The following SAMD5 variants were observed in gnomAD, a reference collection of about 807,000 sequenced individuals.
The protein encoded by SAMD5 is sterile alpha motif domain containing 5, also known as sterile alpha motif domain-containing protein 5.
A neutral mutation model predicts 11.3 loss-of-function variants in SAMD5; 13 were observed. The observed-to-expected ratio is 1.15, with a 90% CI of 0.75 to 1.83. The LOEUF (loss-of-function observed/expected upper bound fraction) is 1.83. Ranked by LOEUF, SAMD5 falls within the 40% of genes most tolerant of loss-of-function variation. The pLI is 0.00. For synonymous variants in SAMD5, 129 were observed against 111.3 expected (o/e 1.16, Z -1.00); for missense variants, 255 against 239.1 (o/e 1.07, Z -0.44).
the SAMD5 span, among the ~76,000 whole-genome samples, chr6:147,922,689 C>T: frequency 6.6e-6 from 1 of 152,132 alleles, no homozygotes; most frequent in Non-Finnish European, 1.5e-5. Context: ...ATAACTCGTG[C>T]TGGGATCTAT....
chr6:147,572,530 C>A (rs1251992233), downstream of SAMD5, among the ~76,000 whole-genome samples: 1 of 152,114 alleles, frequency 6.6e-6, no homozygotes, highest in Non-Finnish European at 1.5e-5. Flanking sequence ...GGCTAGAGTG[C>A]AGTGGTATGA....
chr6:147,760,715 G>A, the SAMD5 span, among the ~76,000 whole-genome samples: 538 of 152,250 alleles, frequency 3.5e-3, 4 homozygotes, highest in African/African-American at 0.012. Context: ...GTAGGCAACC[G>A]TGTCAGTATC....
the SAMD5 span, among the ~76,000 whole-genome samples, chr6:147,826,895 T>C: frequency 1.3e-5 from 2 of 152,236 alleles, no homozygotes; most frequent in East Asian, 3.9e-4. Context: ...TCTCAAAACA[T>C]GCAGCAGTGG....
chr6:147,840,450 G>A, the SAMD5 span, among the ~76,000 whole-genome samples: 1 of 152,226 alleles, frequency 6.6e-6, no homozygotes, highest in Non-Finnish European at 1.5e-5. Flanking sequence ...ATTTATCTGT[G>A]AGAAACAGGT....
chr6:147,581,218 C>T (rs1283031694), intron 1 of SAMD5, among the ~76,000 whole-genome samples: 1 of 152,146 alleles, frequency 6.6e-6, no homozygotes, highest in Admixed American at 6.5e-5. Flanking sequence ...TGGCACCATT[C>T]ATTCCTAAAT....
At chr6:147,700,211 T>C (rs1391566337) in intron 1 of SAMD5, among the ~76,000 whole-genome samples, 2 of 152,214 alleles carry the variant, frequency 1.3e-5, no homozygotes, top group Non-Finnish European at 2.9e-5. Flanking sequence ...GATTTTATTA[T>C]AATGATAAAT....
At chr6:147,950,898 C>T in the SAMD5 span, among the ~76,000 whole-genome samples, 1 of 151,816 alleles carries the variant, frequency 6.6e-6, no homozygotes, top group Non-Finnish European at 1.5e-5. Context: ...TCCCTCGCCT[C>T]CACATCTTTC....
chr6:147,634,931 CT>C lies in SAMD5; in HGVS notation c.163-102384del, dbSNP rs71270322. Among the ~76,000 whole-genome samples, 5 of 78,746 alleles carry C rather than the reference CT, an allele frequency of 6.3e-5. No homozygotes were observed. The Admixed American group carries it at 7.2e-4, about 11-fold the overall frequency. The allele number at this position is 78,746 out of a possible 152,430, so 51.7% of individuals were successfully genotyped here. A position where few individuals can be genotyped will look rare whatever the true frequency, so the allele number is the denominator to read the frequency against. ...AAGATAAAGAAGAGACATGAAGCCA[CT>C]TAGTAGTACACAGAGGACCTTTGCC... On this transcript the variant is annotated intron_variant, in intron 1 of 1. Coordinates refer to the SAMD5 transcript ENST00000566741.
At chr6:147,788,196 A>G in the SAMD5 span, among the ~76,000 whole-genome samples, 2 of 152,222 alleles carry the variant, frequency 1.3e-5, no homozygotes, top group South Asian at 4.1e-4. Context: ...TATTTAAGGT[A>G]AAATGTTTAC....
At chr6:147,882,553 G>A in the SAMD5 span, among the ~76,000 whole-genome samples, 7 of 152,154 alleles carry the variant, frequency 4.6e-5, no homozygotes, top group Admixed American at 6.5e-5. Context: ...GAATAGCCAA[G>A]CACTCTAACC....
chr6:147,849,412 T>G, the SAMD5 span, among the ~76,000 whole-genome samples: 1 of 152,274 alleles, frequency 6.6e-6, no homozygotes, highest in South Asian at 2.1e-4. Context: ...TATGCCAGTT[T>G]TTTTCTTCTG....
At chr6:147,633,334 G>A (rs1410026330) in intron 1 of SAMD5, among the ~76,000 whole-genome samples, 2 of 152,070 alleles carry the variant, frequency 1.3e-5, no homozygotes, top group African/African-American at 2.4e-5. Context: ...CATGTCTTCT[G>A]TTTGTGAAGT....
At chr6:147,658,522 A>C (rs1003297983) in intron 1 of SAMD5, among the ~76,000 whole-genome samples, 1 of 152,190 alleles carries the variant, frequency 6.6e-6, no homozygotes, top group Non-Finnish European at 1.5e-5. Flanking sequence ...AGCAAACCTT[A>C]GTGAGAAAGA....
chr6:147,784,026 A>G, the SAMD5 span, among the ~76,000 whole-genome samples: 2 of 152,274 alleles, frequency 1.3e-5, no homozygotes, highest in South Asian at 2.1e-4. Context: ...CATGGACCCA[A>G]TGGCATGGAT....
intron 1 of SAMD5, among the ~76,000 whole-genome samples, chr6:147,587,189 T>C (rs917731416): frequency 6.6e-6 from 1 of 152,148 alleles, no homozygotes; most frequent in African/African-American, 2.4e-5. Context: ...CCTAGAGCAA[T>C]TGTAATTCCT....
At chr6:147,610,449 G>C (rs1393327404) in intron 1 of SAMD5, among the ~76,000 whole-genome samples, 1 of 152,144 alleles carries the variant, frequency 6.6e-6, no homozygotes, top group Non-Finnish European at 1.5e-5. Flanking sequence ...GGTGATTCCA[G>C]AGCAGTCTCT....
At chr6:147,819,597 CA>C in the SAMD5 span, among the ~76,000 whole-genome samples, 2 of 152,260 alleles carry the variant, frequency 1.3e-5, no homozygotes, top group Admixed American at 6.5e-5. Flanking sequence ...TGAGTTTTAA[CA>C]AAGGACAATG....
At chr6:147,782,039 G>A in the SAMD5 span, among the ~76,000 whole-genome samples, 4 of 151,030 alleles carry the variant, frequency 2.6e-5, no homozygotes, top group Non-Finnish European at 5.9e-5. Flanking sequence ...GCGTATGTAT[G>A]TTCTTTAAAA....
At chr6:147,596,180 T>C (rs1010971887) in intron 1 of SAMD5, among the ~76,000 whole-genome samples, 1 of 152,212 alleles carries the variant, frequency 6.6e-6, no homozygotes, top group East Asian at 1.9e-4. Context: ...CCTCATGTGC[T>C]TTCTCCTCTT....
Sources: gnomAD v4.1 joint callset for allele counts (sites outside exome capture counted in the v4.1 genomes callset) on GRCh38, gnomAD v4.1.1 for gene constraint, MANE v1.5 for transcripts, NCBI Gene and HGNC (gene_info 2026-07-23, HGNC 2026-07-21) for gene names.